The following TRAPPC9 variants were observed in gnomAD, a reference collection of about 807,000 sequenced individuals.
The protein encoded by TRAPPC9 is IKK2 binding protein.
TRAPPC9 carries 83 observed loss-of-function variants against 124.0 expected under a neutral mutation model. The ratio of observed to expected loss-of-function variants is 0.67; its 90% confidence interval spans 0.56 to 0.80. TRAPPC9 has a LOEUF of 0.80. Among genes scored for constraint, TRAPPC9 ranks in the 30% least tolerant of loss-of-function variants. TRAPPC9 has a pLI of 0.00. For missense variants in TRAPPC9, 1,302 were observed against 1,508.3 expected, an observed-to-expected ratio of 0.86 and a Z score of 2.27; for synonymous variants, 638 against 617.5, an observed-to-expected ratio of 1.03 and a Z score of -0.49.
intron 21 of TRAPPC9, among the ~76,000 whole-genome samples, chr8:139,862,366 G>T (rs1828225279): frequency 6.6e-6 from 1 of 152,248 alleles, no homozygotes; most frequent in Non-Finnish European, 1.5e-5. Context: ...GAGAGCAAAG[G>T]TTACTCAGCC....
chr8:140,137,176 C>A (rs955129919), intron 17 of TRAPPC9, among the ~76,000 whole-genome samples: 2 of 152,140 alleles, frequency 1.3e-5, no homozygotes, highest in Admixed American at 1.3e-4. Flanking sequence ...TGAAACAGGG[C>A]CACAATTGGC....
chr8:140,146,311 A>T (rs773940347), intron 17 of TRAPPC9, among the ~76,000 whole-genome samples: 7 of 152,274 alleles, frequency 4.6e-5, no homozygotes, highest in Admixed American at 2.0e-4. Context: ...CTGCACATGC[A>T]GGAGGCAGCT....
intron 16 of TRAPPC9, among the ~76,000 whole-genome samples, chr8:140,247,431 A>G (rs931380622): frequency 2.6e-5 from 4 of 152,206 alleles, no homozygotes; most frequent in Admixed American, 1.3e-4. Context: ...TTATTTCATA[A>G]ATCACTTGCT....
chr8:139,953,517 T>A (rs1342922186), intron 19 of TRAPPC9, among the ~76,000 whole-genome samples: 1 of 152,106 alleles, frequency 6.6e-6, no homozygotes, highest in Non-Finnish European at 1.5e-5. Flanking sequence ...AAGTAAACAT[T>A]AAAGGAAAAA....
At chr8:140,092,313 T>C (rs969086812) in intron 17 of TRAPPC9, among the ~76,000 whole-genome samples, 2 of 150,876 alleles carry the variant, frequency 1.3e-5, no homozygotes, top group African/African-American at 4.9e-5. Context: ...TTCTCCTGCC[T>C]CAGCCTCCCA....
chr8:140,166,575 A>G (rs1482704525), intron 17 of TRAPPC9, among the ~76,000 whole-genome samples: 2 of 152,200 alleles, frequency 1.3e-5, no homozygotes, highest in Non-Finnish European at 2.9e-5. Flanking sequence ...TAGTGTTTCT[A>G]GGGAAATATT....
chr8:140,422,541 G>C (rs1437348527), intron 5 of TRAPPC9, among the ~76,000 whole-genome samples: 1 of 152,038 alleles, frequency 6.6e-6, no homozygotes, highest in East Asian at 1.9e-4. Context: ...ATCACCTGAG[G>C]TCAGGAGTTT....
At chr8:140,236,332 C>G (rs1314698466) in intron 16 of TRAPPC9, among the ~76,000 whole-genome samples, 1 of 152,196 alleles carries the variant, frequency 6.6e-6, no homozygotes, top group Non-Finnish European at 1.5e-5. Context: ...ATCCACCCAC[C>G]CCAGCTTCCC....
At chr8:140,358,274 T>C (rs547590625) in intron 9 of TRAPPC9, among the ~76,000 whole-genome samples, 76 of 152,320 alleles carry the variant, frequency 5.0e-4, no homozygotes, top group African/African-American at 1.6e-3. Flanking sequence ...TGGCGCAACA[T>C]TGGCTCTCTG....
At chr8:139,921,282 G>C (rs1832487479) in intron 19 of TRAPPC9, among the ~76,000 whole-genome samples, 2 of 152,232 alleles carry the variant, frequency 1.3e-5, no homozygotes, top group African/African-American at 4.8e-5. Context: ...TCTGAGGGCA[G>C]AAGCTTGGGA....
chr8:139,807,046 A>T (rs1563829415), intron 21 of TRAPPC9, among the ~76,000 whole-genome samples: 1 of 152,168 alleles, frequency 6.6e-6, no homozygotes, highest in Admixed American at 6.5e-5. Flanking sequence ...GGGCCCTCAG[A>T]GGCAGGAGGA....
At chr8:140,349,545 G>T (rs1252720704) in intron 9 of TRAPPC9, among the ~76,000 whole-genome samples, 1 of 152,166 alleles carries the variant, frequency 6.6e-6, no homozygotes, top group Non-Finnish European at 1.5e-5. Context: ...GCTTGGCTGG[G>T]CTGAGCTGAG....
intron 15 of TRAPPC9, among the ~76,000 whole-genome samples, chr8:140,269,552 TA>T (rs765907354): frequency 3.3e-4 from 21 of 64,500 alleles, no homozygotes; most frequent in African/African-American, 1.4e-3. Flanking sequence ...AAAAATAAAA[TA>T]AAATAAATAA....
At position 140,353,004 on chromosome 8, in the gene TRAPPC9, A is replaced by G. The variant is rs957476879; in HGVS notation, c.1495+7046T>C. Among the ~76,000 whole-genome samples, 9 of 152,298 alleles carry G rather than the reference A, an allele frequency of 5.9e-5. No individual in the cohort carries two copies. Among genetic ancestry groups the G allele is most frequent in the Admixed American group, 2.0e-4 (3 of 15,294 alleles). On this transcript the variant is annotated intron_variant, in intron 9 of 22. Transcript: ENST00000438773. This position sits in a 1 kb window ranked among gnomAD's most constrained non-coding sequence, Gnocchi z 4.2. ...AGGCACTTCAGGTGTGTCATCTCCA[A>G]TCCTTAAAACAATCCCACAAGGTAG...
At chr8:140,136,265 A>C (rs1019267898) in intron 17 of TRAPPC9, among the ~76,000 whole-genome samples, 1 of 152,186 alleles carries the variant, frequency 6.6e-6, no homozygotes, top group Non-Finnish European at 1.5e-5. Flanking sequence ...GCAAAGCCAC[A>C]CAAAACCAGG....
intron 7 of TRAPPC9, among the ~76,000 whole-genome samples, chr8:140,388,724 T>A (rs1246579756): frequency 6.6e-6 from 1 of 151,354 alleles, no homozygotes; most frequent in Non-Finnish European, 1.5e-5. Context: ...GGTGCATGCC[T>A]GTAATCCCAG....
intron 21 of TRAPPC9, among the ~76,000 whole-genome samples, chr8:139,839,140 T>A (rs1413659370): frequency 2.6e-5 from 4 of 152,250 alleles, no homozygotes; most frequent in Non-Finnish European, 5.9e-5. Flanking sequence ...CTGCTGGGCC[T>A]AGCACTGTGC....
chr8:140,420,716 TAAAC>T (rs995502704), intron 5 of TRAPPC9, among the ~76,000 whole-genome samples: 6 of 152,192 alleles, frequency 3.9e-5, no homozygotes, highest in Non-Finnish European at 5.9e-5. Context: ...TATAAAGAGA[TAAAC>T]AAATATCTAG....
intron 19 of TRAPPC9, among the ~76,000 whole-genome samples, chr8:139,917,166 T>TA (rs1563920389): frequency 3.1e-4 from 41 of 133,514 alleles, no homozygotes; most frequent in African/African-American, 1.2e-3. Flanking sequence ...ATTATTATTT[T>TA]CTTTTTTTTT....
Sources: gnomAD v4.1 joint callset for allele counts (sites outside exome capture counted in the v4.1 genomes callset) on GRCh38, gnomAD v4.1.1 for gene constraint, Gnocchi (gnomAD v3.1) non-coding constraint, MANE v1.5 for transcripts, NCBI Gene and HGNC (gene_info 2026-07-23, HGNC 2026-07-21) for gene names.